SPIN1: variants seen among roughly 807,000 people sequenced by gnomAD.
SPIN1 encodes the protein spindlin-1.
Under a neutral mutation model 26.0 loss-of-function variants are expected in SPIN1, and 3 were observed. The ratio of observed to expected loss-of-function variants is 0.12; its 90% confidence interval spans 0.05 to 0.30. The LOEUF (loss-of-function observed/expected upper bound fraction) is 0.30. SPIN1 is among the 10% of genes least tolerant of loss of function. The pLI is 1.00. For missense variants in SPIN1, 126 were observed against 333.4 expected, an observed-to-expected ratio of 0.38 and a Z score of 4.84; for synonymous variants, 101 against 116.5, an observed-to-expected ratio of 0.87 and a Z score of 0.86.
chr9:88,410,188 T>TGTGTGTGTGTGTGTGC (rs4029765), intron 1 of SPIN1, among the ~76,000 whole-genome samples: 11 of 142,964 alleles, frequency 7.7e-5, no homozygotes, highest in Admixed American at 2.7e-4. Context: ...TGTGTGTGTG[T>TGTGTGTGTGTGTGTGC]GCAACTTTTT....
chr9:88,436,810 G>C (rs1828009447), intron 2 of SPIN1, among the ~76,000 whole-genome samples: 1 of 138,478 alleles, frequency 7.2e-6, no homozygotes, highest in African/African-American at 2.6e-5. Context: ...TGTCGCCCAG[G>C]CTGGAGTGCA....
At chr9:88,461,095 T>C (rs1828570082) in intron 3 of SPIN1, among the ~76,000 whole-genome samples, 1 of 152,214 alleles carries the variant, frequency 6.6e-6, no homozygotes, top group South Asian at 2.1e-4. Context: ...AATGCTTTCC[T>C]AGCTTAAGAC....
chr9:88,415,920 T>G (rs925575857), intron 1 of SPIN1, among the ~76,000 whole-genome samples: 4 of 151,160 alleles, frequency 2.6e-5, no homozygotes, highest in African/African-American at 9.7e-5. Flanking sequence ...ATTTTTTTTT[T>G]TTTTTTTTTG....
intron 3 of SPIN1, among the ~76,000 whole-genome samples, chr9:88,450,714 A>G (rs140889329): frequency 5.9e-4 from 90 of 152,346 alleles, no homozygotes; most frequent in Middle Eastern, 3.4e-3. Flanking sequence ...AGCCTTGAGC[A>G]TATTACTATC....
chr9:88,434,136 T>C (rs1182027671), intron 2 of SPIN1, among the ~76,000 whole-genome samples: 1 of 151,852 alleles, frequency 6.6e-6, no homozygotes, highest in Non-Finnish European at 1.5e-5. Context: ...CATTGGTCTT[T>C]ATCATTGGAG....
At chr9:88,441,419 G>A (rs187628017) in intron 2 of SPIN1, among the ~76,000 whole-genome samples, 133 of 149,294 alleles carry the variant, frequency 8.9e-4, no homozygotes, top group African/African-American at 3.1e-3. Context: ...GTGTGTGCGC[G>A]CGCGCGCGCC....
chr9:88,432,329 C>T (rs187955810), intron 2 of SPIN1, among the ~76,000 whole-genome samples: 18 of 151,834 alleles, frequency 1.2e-4, no homozygotes, highest in Non-Finnish European at 2.1e-4. Flanking sequence ...AGTGGAATTA[C>T]AGGCATGCGC....
chr9:88,419,134 C>T (rs150819269), intron 1 of SPIN1, among the ~76,000 whole-genome samples: 1 of 152,222 alleles, frequency 6.6e-6, no homozygotes, highest in Non-Finnish European at 1.5e-5. Context: ...CAATTCTTTG[C>T]CTTCTACTTT....
chr9:88,410,977 A>T, intron 1 of SPIN1: 1 of 1,367,328 alleles, frequency 7.3e-7, no homozygotes, highest in African/African-American at 1.4e-5. Context: ...TCTGAATGAC[A>T]GTCTTATCCA....
At chr9:88,395,556 G>A (rs1827035538) in intron 1 of SPIN1, among the ~76,000 whole-genome samples, 1 of 152,082 alleles carries the variant, frequency 6.6e-6, no homozygotes, top group South Asian at 2.1e-4. Flanking sequence ...GATGTGGGGT[G>A]AAAGGTAAAC....
At chr9:88,402,986 A>G (rs888535500) in intron 1 of SPIN1, among the ~76,000 whole-genome samples, 2 of 152,092 alleles carry the variant, frequency 1.3e-5, no homozygotes, top group Non-Finnish European at 2.9e-5. Context: ...TTTTAATAAT[A>G]GTTATCCTAA....
intron 1 of SPIN1, chr9:88,411,201 T>A: frequency 8.0e-7 from 1 of 1,253,830 alleles, no homozygotes; most frequent in Non-Finnish European, 1.2e-6. Context: ...GAGACAGCTC[T>A]CTTTGGTTCC....
Position 88,462,763 on chromosome 9 carries a change from A to G in SPIN1, c.355+14A>G, listed in dbSNP as rs1366662753. The G allele has an allele frequency of 3.8e-6, 6 of 1,592,786 alleles. No individual in the cohort carries two copies. Among genetic ancestry groups the G allele is most frequent in the Non-Finnish European group, 5.1e-6 (6 of 1,170,920 alleles). On this transcript the variant is annotated intron_variant, in intron 4 of 5. Coordinates refer to ENST00000375859, the MANE Select transcript of SPIN1 (RefSeq NM_006717.3). ...CTGATAGAGTTGGTAAGTTCTTTTT[A>G]TAATTTGTGCATTATATACTTTAAA...
rs757991431 is a variant in SPIN1 at position 88,398,293 on chromosome 9, C to T, written c.-159+9755C>T. 1.2e-4 allele frequency among the ~76,000 whole-genome samples: 19 copies of T among 152,032 alleles called. 1 individual carries two copies. The highest frequency in any genetic ancestry group is 8.3e-4 in the South Asian group (4 of 4,802). On this transcript the variant is annotated intron_variant, in intron 1 of 5. Transcript: ENST00000375859. Reference sequence around the variant, plus strand: ...TTTTTTGACTTTTCTGCAGTCAAGTCCTCTTGGTGCTTATCAGAATTACAA... The same window carrying T: ...TTTTTTGACTTTTCTGCAGTCAAGTTCTCTTGGTGCTTATCAGAATTACAA...
intron 1 of SPIN1, 110 bp downstream of exon 1, chr9:88,388,648 C>T (rs1467205739): frequency 6.8e-6 from 1 of 147,858 alleles, no homozygotes; most frequent in African/African-American, 2.4e-5. Context: ...CGCGCGGGGC[C>T]CGGCGGAGCA....
At position 88,403,422 on chromosome 9, in the gene SPIN1, A is replaced by G. The variant is rs150259607; in HGVS notation, c.-159+14884A>G. 6.4e-3 allele frequency among the ~76,000 whole-genome samples: 979 copies of G among 152,288 alleles called. 17 individuals are homozygous for G. Among genetic ancestry groups the G allele is most frequent in the African/African-American group, 0.022 (900 of 41,556 alleles). ...CTTAGATGCATTGGTATTTAGAGCT[A>G]TGTATCAACCAGGTCTTTTAAAATC... is the stretch of plus-strand genomic sequence containing the variant. On this transcript the variant is annotated intron_variant, in intron 1 of 5. Coordinates refer to ENST00000375859, the MANE Select transcript of SPIN1 (RefSeq NM_006717.3).
chr9:88,438,923 C>T (rs1034702903), intron 2 of SPIN1, among the ~76,000 whole-genome samples: 1 of 152,072 alleles, frequency 6.6e-6, no homozygotes, highest in East Asian at 1.9e-4. Context: ...TTTATATGAT[C>T]GAAGAGAGAC....
At chr9:88,455,707 G>A (rs1828456893) in intron 3 of SPIN1, among the ~76,000 whole-genome samples, 1 of 152,176 alleles carries the variant, frequency 6.6e-6, no homozygotes, top group Non-Finnish European at 1.5e-5. Context: ...ACTGGGTACA[G>A]TGGTTCATAC....
At chr9:88,462,255 T>G (rs1191704584) in intron 3 of SPIN1, among the ~76,000 whole-genome samples, 1 of 152,200 alleles carries the variant, frequency 6.6e-6, no homozygotes, top group Non-Finnish European at 1.5e-5. Flanking sequence ...TTTCTGCCTA[T>G]ACACAGTTGA....
Sources: allele counts gnomAD v4.1 joint callset (sites outside exome capture counted in the v4.1 genomes callset), GRCh38; gene constraint gnomAD v4.1.1; transcripts MANE v1.5; gene names NCBI Gene and HGNC (gene_info 2026-07-23, HGNC 2026-07-21).